Variants in CA13 observed in about 807,000 individuals in gnomAD.
The protein encoded by CA13 is CA-XIII.
CA13 carries 21 observed loss-of-function variants against 31.5 expected under a neutral mutation model. The observed-to-expected ratio is 0.67, with a 90% CI of 0.47 to 0.96. The LOEUF is 0.96. Ranked by LOEUF, CA13 falls within the 40% of genes least tolerant of loss-of-function variation. The pLI is 0.00. For missense variants in CA13, 315 were observed against 318.9 expected (o/e 0.99, Z 0.09); for synonymous variants, 117 against 111.4 (o/e 1.05, Z -0.32).
intron 6 of CA13, among the ~76,000 whole-genome samples, chr8:85,278,573 A>G (rs1587547699): frequency 6.6e-6 from 1 of 152,208 alleles, no homozygotes; most frequent in African/African-American, 2.4e-5. Context: ...GTATTTGGAA[A>G]TGTTTCCACT....
intron 1 of CA13, among the ~76,000 whole-genome samples, chr8:85,248,050 T>G (rs1813761471): frequency 6.6e-6 from 1 of 152,224 alleles, no homozygotes. Flanking sequence ...TCCCCTAACC[T>G]TTGACTACTT....
intron 5 of CA13, 31 bp downstream of exon 5, chr8:85,267,995 A>C (rs1173541253): frequency 5.9e-6 from 8 of 1,348,108 alleles, no homozygotes; most frequent in Non-Finnish European, 8.4e-6. Context: ...TAATTAACAT[A>C]TTTCTTGTTC....
chr8:85,281,509 TC>T lies in CA13; in HGVS notation c.*161del. 7.3e-7 allele frequency: 1 copy of T among 1,361,416 alleles called. No individual in the cohort carries two copies. Among genetic ancestry groups the T allele is most frequent in the Non-Finnish European group, 9.5e-7 (1 of 1,050,904 alleles). The allele number at this position is 1,361,416 out of a possible 1,614,324, so 84.3% of individuals were successfully genotyped here. On this transcript the variant is annotated 3_prime_UTR_variant, in exon 7 of 7. Coordinates refer to ENST00000321764, the MANE Select transcript of CA13 (RefSeq NM_198584.3). ...TCACAAAGAAAACCAGATCTCTCTC[TC>T]TTTTTTTTTTATTTTTTTTAGTGAT...
intron 1 of CA13, chr8:85,246,155 C>A: frequency 1.8e-6 from 1 of 548,058 alleles, no homozygotes; most frequent in Non-Finnish European, 3.3e-6. Context: ...ATCTGAAAAG[C>A]CAAGGACTTT....
At chr8:85,270,644 A>G (rs1417192619) in intron 6 of CA13, among the ~76,000 whole-genome samples, 1 of 152,216 alleles carries the variant, frequency 6.6e-6, no homozygotes, top group Non-Finnish European at 1.5e-5. Context: ...TATAACATCA[A>G]GGTAGTTAAT....
At chr8:85,268,753 C>T (rs754546271) in intron 6 of CA13, 126 bp downstream of exon 6, 100 of 797,788 alleles carry the variant, frequency 1.3e-4, no homozygotes, top group Non-Finnish European at 1.5e-4. Flanking sequence ...ATTCATCAGA[C>T]GGGTCGTTGG....
At chr8:85,250,097 ACT>A (rs1813800520) in intron 1 of CA13, among the ~76,000 whole-genome samples, 1 of 152,120 alleles carries the variant, frequency 6.6e-6, no homozygotes, top group African/African-American at 2.4e-5. Flanking sequence ...TTACAATCTG[ACT>A]CTACTGCAGA....
In CA13 at chr8:85,281,312, C is replaced by T. The variant is rs755544060; in HGVS notation, c.752C>T (p.Pro251Leu). ...GTGAGCAATCACCGCCCACCACAGC[C>T]TCTAAAGGGCCGCAAAGTGAGAGCC... Reference protein sequence around the residue: ...FLVSNHRPPQPLKGRKVRASF... With the variant: ...FLVSNHRPPQLLKGRKVRASF... The change falls in exon 7 of 7, where the codon CCT becomes CTT. Residue 251 changes from proline to leucine, a missense_variant. Coordinates refer to ENST00000321764, the MANE Select transcript of CA13 (RefSeq NM_198584.3). The T allele has an allele frequency of 6.8e-6, 11 of 1,613,936 alleles. No individual in the cohort carries two copies. The East Asian group carries it at 2.0e-4, about 29-fold the overall frequency.
intron 3 of CA13, among the ~76,000 whole-genome samples, chr8:85,265,994 G>A (rs1807450562): frequency 6.6e-6 from 1 of 152,140 alleles, no homozygotes; most frequent in African/African-American, 2.4e-5. Context: ...AACCTACTGT[G>A]TCGGAGGTTG....
intron 6 of CA13, among the ~76,000 whole-genome samples, chr8:85,275,598 G>A (rs968052809): frequency 5.9e-5 from 9 of 152,174 alleles, no homozygotes; most frequent in Non-Finnish European, 1.3e-4. Context: ...TTGGAGGGGA[G>A]TTGTTGGCTT....
At chr8:85,255,263 A>T (rs1295884045) in intron 2 of CA13, among the ~76,000 whole-genome samples, 1 of 139,828 alleles carries the variant, frequency 7.2e-6, no homozygotes, top group Admixed American at 7.2e-5. Flanking sequence ...TAGCTCATGA[A>T]TTTTTTTTTT....
intron 6 of CA13, among the ~76,000 whole-genome samples, chr8:85,272,007 G>T (rs1807533726): frequency 6.6e-6 from 1 of 152,070 alleles, no homozygotes; most frequent in Non-Finnish European, 1.5e-5. Context: ...AGGCAAGGCT[G>T]AAGTGAGCCC....
intron 3 of CA13, among the ~76,000 whole-genome samples, chr8:85,260,379 G>A (rs571313201): frequency 1.1e-4 from 17 of 152,272 alleles, no homozygotes; most frequent in Admixed American, 3.9e-4. Context: ...TTTCTGAGTC[G>A]CCTAGGCAGG....
Position 85,279,926 on chromosome 8 carries a change from T to C in CA13, c.670-1304T>C, listed in dbSNP as rs529279837. On this transcript the variant is annotated intron_variant, in intron 6 of 6. Coordinates refer to ENST00000321764, the MANE Select transcript of CA13 (RefSeq NM_198584.3). Reference sequence around the variant, plus strand: ...TATAATGATCTGGTCTAATGAAACATGAGTAATAGTACGTTGTAAACATTT... The same window carrying C: ...TATAATGATCTGGTCTAATGAAACACGAGTAATAGTACGTTGTAAACATTT... Among the ~76,000 whole-genome samples the C allele has an allele frequency of 4.6e-5, 7 of 152,124 alleles. No individual in the cohort carries two copies. The South Asian group carries it at 1.2e-3, about 27-fold the overall frequency.
intron 2 of CA13, among the ~76,000 whole-genome samples, chr8:85,258,745 A>G (rs1323803075): frequency 9.1e-6 from 1 of 109,330 alleles, no homozygotes; most frequent in African/African-American, 3.7e-5. Flanking sequence ...TAACATAGTG[A>G]GGCCCTGTCT....
At chr8:85,263,234 C>A (rs78109436) in intron 3 of CA13, among the ~76,000 whole-genome samples, 1 of 152,268 alleles carries the variant, frequency 6.6e-6, no homozygotes, top group Non-Finnish European at 1.5e-5. Flanking sequence ...GTGCTCTGTC[C>A]TGATGAGGCA....
chr8:85,267,486 G>A lies in CA13; in HGVS notation c.451-416G>A, dbSNP rs755072153. On this transcript the variant is annotated intron_variant, in intron 4 of 6. Transcript: ENST00000321764. ...AAATCATTTTAGGCTGCAAGTGTGA[G>A]ATGTTTGCATCTAGTATTTTGATGC... is the stretch of plus-strand genomic sequence containing the variant. 1.8e-4 allele frequency: 33 copies of A among 187,108 alleles called. 2 individuals are homozygous for A. The highest frequency in any genetic ancestry group is 5.3e-3 in the Middle Eastern group (2 of 378). 11.6% of individuals were successfully genotyped at this position (187,108 alleles called of 1,614,324 possible). A position where few individuals can be genotyped will look rare whatever the true frequency, so the allele number is the denominator to read the frequency against.
chr8:85,246,696 A>G (rs372540838), intron 1 of CA13: 27 of 342,032 alleles, frequency 7.9e-5, no homozygotes, highest in South Asian at 3.9e-4. Context: ...TGTTTAAATA[A>G]TAATTATTTG....
chr8:85,266,505 A>T, intron 3 of CA13, 103 bp from the exon 4 acceptor site: 1 of 762,112 alleles, frequency 1.3e-6, no homozygotes, highest in Non-Finnish European at 2.2e-6. Context: ...TACATTATAC[A>T]TAAGTGTACA....
Sources: gnomAD v4.1 joint callset for allele counts (sites outside exome capture counted in the v4.1 genomes callset) on GRCh38, gnomAD v4.1.1 for gene constraint, MANE v1.5 for transcripts, NCBI Gene and HGNC (gene_info 2026-07-23, HGNC 2026-07-21) for gene names.